FARS2: variants seen among roughly 807,000 people sequenced by gnomAD.
FARS2 encodes phenylalanyl-tRNA synthetase 2, mitochondrial.
A neutral mutation model predicts 46.4 loss-of-function variants in FARS2; 40 were observed. The ratio of observed to expected loss-of-function variants is 0.86; its 90% confidence interval spans 0.67 to 1.12. FARS2 has a LOEUF of 1.12. FARS2 is among the 50% of genes most tolerant of loss of function. FARS2 has a pLI of 0.00. For missense variants in FARS2, 513 were observed against 567.9 expected (o/e 0.90, Z 0.98); for synonymous variants, 234 against 214.9 (o/e 1.09, Z -0.78).
chr6:5,455,908 A>C (rs1029321442), intron 4 of FARS2, among the ~76,000 whole-genome samples: 1 of 152,202 alleles, frequency 6.6e-6, no homozygotes, highest in African/African-American at 2.4e-5. Context: ...CCATGCATCA[A>C]GCTTCATTTG....
intron 4 of FARS2, among the ~76,000 whole-genome samples, chr6:5,524,588 T>A (rs1769346751): frequency 6.6e-6 from 1 of 152,240 alleles, no homozygotes; most frequent in South Asian, 2.1e-4. Context: ...ACAAGTACCT[T>A]TGTAATCCTT....
At chr6:5,293,604 A>G (rs969379151) in intron 1 of FARS2, among the ~76,000 whole-genome samples, 2 of 152,230 alleles carry the variant, frequency 1.3e-5, no homozygotes, top group African/African-American at 4.8e-5. Context: ...GAGAAAAGTT[A>G]TTATTTAATA....
chr6:5,512,006 C>G (rs1768487438), intron 4 of FARS2, among the ~76,000 whole-genome samples: 1 of 152,166 alleles, frequency 6.6e-6, no homozygotes, highest in African/African-American at 2.4e-5. Context: ...TGAGTATATT[C>G]TAGGGACTTC....
At chr6:5,275,962 G>A (rs1167982593) in intron 1 of FARS2, among the ~76,000 whole-genome samples, 1 of 152,164 alleles carries the variant, frequency 6.6e-6, no homozygotes, top group African/African-American at 2.4e-5. Flanking sequence ...CCCTAGTAGT[G>A]AATGTTTTTA....
chr6:5,487,962 A>C (rs1766878358), intron 4 of FARS2, among the ~76,000 whole-genome samples: 1 of 152,118 alleles, frequency 6.6e-6, no homozygotes, highest in Non-Finnish European at 1.5e-5. Flanking sequence ...AGGGGCATGG[A>C]AGCTGGACTC....
rs572719567 is a variant in FARS2 at position 5,311,657 on chromosome 6, T to A, written c.-22+49997T>A. ...TTTTCTTTAGATATATGAAGCCGTCTTAAGATTGAGAGTTTCTCAGTTTTT... is the reference window on the plus strand; with the variant it reads ...TTTTCTTTAGATATATGAAGCCGTCATAAGATTGAGAGTTTCTCAGTTTTT... On this transcript the variant is annotated intron_variant, in intron 1 of 6. Coordinates refer to ENST00000274680, the MANE Select transcript of FARS2 (RefSeq NM_006567.5). This position sits in a 1 kb window ranked among gnomAD's most constrained non-coding sequence, Gnocchi z 4.1. Among the ~76,000 whole-genome samples the A allele has an allele frequency of 6.6e-6, 1 of 152,334 alleles. No individual in the cohort carries two copies. Among genetic ancestry groups the A allele is most frequent in the African/African-American group, 2.4e-5 (1 of 41,582 alleles).
chr6:5,449,360 AAAAAAAG>A (rs1390500810), intron 4 of FARS2, among the ~76,000 whole-genome samples: 37 of 151,132 alleles, frequency 2.4e-4, no homozygotes, highest in Admixed American at 5.9e-4. Context: ...CTCAAAAAAA[AAAAAAAG>A]AAAAAAAAGA....
At chr6:5,358,739 C>T (rs1758098962) in intron 1 of FARS2, among the ~76,000 whole-genome samples, 1 of 152,108 alleles carries the variant, frequency 6.6e-6, no homozygotes, top group African/African-American at 2.4e-5. Flanking sequence ...GGTCTGTAGT[C>T]ATTCTCTTAT....
chr6:5,409,792 G>A (rs1393569915), intron 3 of FARS2, among the ~76,000 whole-genome samples: 2 of 152,158 alleles, frequency 1.3e-5, no homozygotes, highest in Non-Finnish European at 2.9e-5. Flanking sequence ...CAGTGGCCAG[G>A]CATCCTGAAA....
intron 4 of FARS2, among the ~76,000 whole-genome samples, chr6:5,450,172 G>C (rs1764404298): frequency 6.6e-6 from 1 of 152,224 alleles, no homozygotes; most frequent in South Asian, 2.1e-4. Context: ...GCAGCTCACA[G>C]TCAGGTGGGA....
chr6:5,372,707 A>C (rs1012702213), intron 2 of FARS2, among the ~76,000 whole-genome samples: 1 of 152,172 alleles, frequency 6.6e-6, no homozygotes, highest in African/African-American at 2.4e-5. Flanking sequence ...AACTGCTCAA[A>C]TGTGGGGAAC....
chr6:5,667,211 TA>T (rs1778174487), intron 6 of FARS2, among the ~76,000 whole-genome samples: 1 of 151,990 alleles, frequency 6.6e-6, no homozygotes, highest in Non-Finnish European at 1.5e-5. Context: ...AAATAAAAAT[TA>T]AAAAATAAAA....
chr6:5,555,778 A>G (rs1029823188), intron 5 of FARS2, among the ~76,000 whole-genome samples: 1 of 152,118 alleles, frequency 6.6e-6, no homozygotes, highest in African/African-American at 2.4e-5. Flanking sequence ...AGAGATGTTT[A>G]TCTCAGAAAA....
intron 6 of FARS2, among the ~76,000 whole-genome samples, chr6:5,746,273 G>T (rs1194757311): frequency 6.6e-6 from 1 of 152,130 alleles, no homozygotes; most frequent in Non-Finnish European, 1.5e-5. Context: ...ATGGCCACGT[G>T]GTCCTTAGAT....
intron 6 of FARS2, among the ~76,000 whole-genome samples, chr6:5,719,396 TAA>T (rs55695285): frequency 1.8e-3 from 222 of 123,054 alleles, no homozygotes; most frequent in African/African-American, 6.4e-3. Context: ...CAAAAAAAAT[TAA>T]AAAAAAAAAA....
At chr6:5,405,360 G>A (rs189143277) in intron 3 of FARS2, among the ~76,000 whole-genome samples, 163 of 151,890 alleles carry the variant, frequency 1.1e-3, no homozygotes, top group Middle Eastern at 6.8e-3. Context: ...TGATTATAAC[G>A]TTTGCTAAGA....
intron 6 of FARS2, among the ~76,000 whole-genome samples, chr6:5,659,034 G>T (rs1777728507): frequency 6.6e-6 from 1 of 152,124 alleles, no homozygotes; most frequent in South Asian, 2.1e-4. Flanking sequence ...GCCCGCGTTG[G>T]ACTACAGTTG....
intron 4 of FARS2, among the ~76,000 whole-genome samples, chr6:5,526,730 C>T (rs1348424644): frequency 1.3e-5 from 2 of 152,100 alleles, no homozygotes; most frequent in Non-Finnish European, 2.9e-5. Context: ...AATTATCTCA[C>T]CTCAGTCTCC....
Position 5,605,487 on chromosome 6 carries a change from G to A in FARS2, c.1066-7682G>A, listed in dbSNP as rs529984491. On this transcript the variant is annotated intron_variant, in intron 5 of 6. Transcript: ENST00000274680. ...TAAGCACCCCATGTCATCATCAGCC[G>A]TATCACCATTGGGCAAGAACCCAGA... 1.6e-4 allele frequency among the ~76,000 whole-genome samples: 25 copies of A among 152,326 alleles called. No homozygotes were observed. In the South Asian group the frequency reaches 3.9e-3, roughly 24 times the overall value.
Sources: allele counts gnomAD v4.1 joint callset (sites outside exome capture counted in the v4.1 genomes callset), GRCh38; gene constraint gnomAD v4.1.1; non-coding constraint Gnocchi (gnomAD v3.1); transcripts MANE v1.5; gene names NCBI Gene and HGNC (gene_info 2026-07-23, HGNC 2026-07-21).